The following SLC8A1 variants were observed in gnomAD, a reference collection of about 807,000 sequenced individuals.
SLC8A1 encodes sodium/calcium exchanger 1.
Under a neutral mutation model 68.3 loss-of-function variants are expected in SLC8A1, and 18 were observed. That is an observed-to-expected ratio of 0.26 (90% CI 0.18 to 0.39). The LOEUF (loss-of-function observed/expected upper bound fraction) is 0.39, where lower values mean the gene tolerates loss of function less well. Among genes scored for constraint, SLC8A1 ranks in the 10% least tolerant of loss-of-function variants. SLC8A1 has a pLI of 1.00. For synonymous variants in SLC8A1, 475 were observed against 415.5 expected (o/e 1.14, Z -1.74); for missense variants, 985 against 1,156.7 (o/e 0.85, Z 2.15).
chr2:40,469,406 C>T (rs528580414), intron 1 of SLC8A1, among the ~76,000 whole-genome samples: 1 of 152,214 alleles, frequency 6.6e-6, no homozygotes, highest in African/African-American at 2.4e-5. Context: ...CCTTGCTTTG[C>T]CTTCCATCAT....
chr2:40,444,826 T>G (rs1258368119), intron 1 of SLC8A1, among the ~76,000 whole-genome samples: 1 of 152,160 alleles, frequency 6.6e-6, no homozygotes, highest in Non-Finnish European at 1.5e-5. Context: ...AACACCAGAG[T>G]TGATAAATTA....
intron 1 of SLC8A1, among the ~76,000 whole-genome samples, chr2:40,468,921 T>G (rs895047839): frequency 1.3e-5 from 2 of 151,964 alleles, no homozygotes; most frequent in African/African-American, 4.8e-5. Flanking sequence ...ATATTTAAAA[T>G]AAATAAAGAA....
chr2:40,453,849 T>C (rs999564774), upstream of SLC8A1, among the ~76,000 whole-genome samples: 6 of 152,204 alleles, frequency 3.9e-5, no homozygotes, highest in African/African-American at 1.4e-4. Flanking sequence ...TCACTTTAAT[T>C]AGTCGGGTCT....
At chr2:40,265,175 C>G (rs368161) in intron 2 of SLC8A1, among the ~76,000 whole-genome samples, 36,718 of 151,858 alleles carry the variant, frequency 0.24, 6,406 homozygotes, top group East Asian at 0.58. Flanking sequence ...GTAGAGTAGA[C>G]GATGGGCATG....
rs186140275 is a variant in SLC8A1 at position 40,497,268 on chromosome 2, G to T, written c.-25+15081C>A. ...TTTCTTCTAGTTTCTCATCCAATGA[G>T]ATTATTTTGACTTATTAGCTTTGGT... On this transcript the variant is annotated intron_variant, in intron 1 of 7. Transcript: ENST00000402441. Among the ~76,000 whole-genome samples, 500 of 152,164 alleles carry T rather than the reference G, an allele frequency of 3.3e-3. 2 individuals are homozygous for T. Among genetic ancestry groups the T allele is most frequent in the Non-Finnish European group, 5.5e-3 (374 of 67,982 alleles).
At chr2:40,110,862 A>G (rs1307641897) in exon 8 of SLC8A1, 2 of 152,178 alleles carry the variant, frequency 1.3e-5, no homozygotes, top group Admixed American at 6.5e-5. Flanking sequence ...GATGGAGGGC[A>G]TCATCATCTA....
At chr2:40,320,154 G>C (rs1013829124) in intron 2 of SLC8A1, among the ~76,000 whole-genome samples, 11 of 151,890 alleles carry the variant, frequency 7.2e-5, no homozygotes, top group African/African-American at 2.4e-4. Context: ...AGCCTGTATA[G>C]TTGCAGGTGT....
chr2:40,218,139 A>C (rs2057770910), intron 2 of SLC8A1, among the ~76,000 whole-genome samples: 1 of 152,188 alleles, frequency 6.6e-6, no homozygotes, highest in Admixed American at 6.5e-5. Context: ...ATTGTTATTA[A>C]TGAAAGTTTC....
At chr2:40,451,231 T>TG (rs1291055213) in intron 1 of SLC8A1, among the ~76,000 whole-genome samples, 1 of 152,134 alleles carries the variant, frequency 6.6e-6, no homozygotes, top group Non-Finnish European at 1.5e-5. Context: ...TCCAATCTCT[T>TG]GGGGAAAGAT....
chr2:40,407,411 G>T (rs939113864), intron 2 of SLC8A1, among the ~76,000 whole-genome samples: 1 of 152,158 alleles, frequency 6.6e-6, no homozygotes, highest in African/African-American at 2.4e-5. Context: ...AAAATGAGAT[G>T]ATTTATTAGA....
At chr2:40,173,113 T>C (rs1283994504) in intron 4 of SLC8A1, among the ~76,000 whole-genome samples, 10 of 152,176 alleles carry the variant, frequency 6.6e-5, no homozygotes, top group Non-Finnish European at 1.2e-4. Context: ...ATTTCTATAA[T>C]GGTTGACTTA....
chr2:40,421,582 G>A (rs1391571345), intron 2 of SLC8A1, among the ~76,000 whole-genome samples: 1 of 152,120 alleles, frequency 6.6e-6, no homozygotes, highest in African/African-American at 2.4e-5. Flanking sequence ...TGCAACACCT[G>A]GTTGCCCTGT....
chr2:40,121,954 A>T (rs9309051), intron 7 of SLC8A1, among the ~76,000 whole-genome samples: 4 of 152,070 alleles, frequency 2.6e-5, no homozygotes, highest in Non-Finnish European at 4.4e-5. Flanking sequence ...TAGAGCCCAA[A>T]TCTTACTAAT....
intron 2 of SLC8A1, among the ~76,000 whole-genome samples, chr2:40,239,611 C>T (rs966358520): frequency 6.6e-6 from 1 of 152,126 alleles, no homozygotes; most frequent in Non-Finnish European, 1.5e-5. Context: ...TGAAATACAG[C>T]CCTCTCTGCT....
At chr2:40,445,613 G>A (rs2149846607) in intron 1 of SLC8A1, among the ~76,000 whole-genome samples, 1 of 152,264 alleles carries the variant, frequency 6.6e-6, no homozygotes, top group Non-Finnish European at 1.5e-5. Flanking sequence ...GGTGATATCA[G>A]ATGTCTCTTC....
chr2:40,185,858 G>A (rs1278215391), intron 2 of SLC8A1, among the ~76,000 whole-genome samples: 2 of 152,196 alleles, frequency 1.3e-5, no homozygotes, highest in African/African-American at 2.4e-5. Context: ...TTGTCAGAAT[G>A]TTTGGAGTTT....
intron 7 of SLC8A1, among the ~76,000 whole-genome samples, chr2:40,137,812 C>T (rs192338233): frequency 4.5e-4 from 68 of 152,164 alleles, no homozygotes; most frequent in Non-Finnish European, 9.1e-4. Flanking sequence ...AGTAAGAGAA[C>T]CCTCTAGGTC....
intron 4 of SLC8A1, 82 bp from the exon 7 acceptor site, chr2:40,170,431 A>AC: frequency 8.5e-7 from 1 of 1,175,666 alleles, no homozygotes; most frequent in South Asian, 1.3e-5. Flanking sequence ...AGTAAGCTAA[A>AC]CATCACACCC....
chr2:40,172,834 C>T (rs962726537), intron 4 of SLC8A1, among the ~76,000 whole-genome samples: 1 of 151,932 alleles, frequency 6.6e-6, no homozygotes, highest in Non-Finnish European at 1.5e-5. Context: ...CCCAGACACT[C>T]GGGAGGCTGA....
Sources: gnomAD v4.1 joint callset for allele counts (sites outside exome capture counted in the v4.1 genomes callset) on GRCh38, gnomAD v4.1.1 for gene constraint, MANE v1.5 for transcripts, NCBI Gene and HGNC (gene_info 2026-07-23, HGNC 2026-07-21) for gene names.